ATP2B4: variants seen among roughly 807,000 people sequenced by gnomAD.
The protein encoded by ATP2B4 is ATPase plasma membrane Ca2+ transporting 4, also known as plasma membrane calcium-transporting ATPase 4.
In ATP2B4, 39 loss-of-function variants were observed where a neutral mutation model predicts 110.3. The ratio of observed to expected loss-of-function variants is 0.35; its 90% CI spans 0.27 to 0.46. The LOEUF is 0.46. ATP2B4 is among the 20% of genes least tolerant of loss of function. The probability of loss-of-function intolerance (pLI) is 1.00; values close to 1 mark genes in which losing one functional copy is unlikely to be tolerated. For synonymous variants in ATP2B4, 538 were observed against 571.7 expected (o/e 0.94, Z 0.84); for missense variants, 1,135 against 1,530.9 (o/e 0.74, Z 4.32).
chr1:203,683,442 G>A, intron 2 of ATP2B4, 44 bp downstream of exon 2: 1 of 1,523,570 alleles, frequency 6.6e-7, no homozygotes, highest in Non-Finnish European at 8.9e-7. Context: ...AAGGTGGCTA[G>A]TGTTTCAAAA....
Position 203,728,082 on chromosome 1 carries a change from G to A in ATP2B4, c.3309+511G>A, listed in dbSNP as rs1047535331. 1.3e-5 allele frequency: 5 copies of A among 395,190 alleles called. No homozygotes were observed. In the Admixed American group the frequency reaches 1.7e-4, roughly 14 times the overall value. 24.5% of individuals were successfully genotyped at this position (395,190 alleles called of 1,614,324 possible). A position where few individuals can be genotyped will look rare whatever the true frequency, so the allele number is the denominator to read the frequency against. ...CCTTGTTATATCTCCCCCATTCAAA[G>A]TGTAAGGCCATGGTGGGGAATCTGA... On this transcript the variant is annotated intron_variant, in intron 20 of 20. Transcript: ENST00000357681.
intron 1 of ATP2B4, among the ~76,000 whole-genome samples, chr1:203,661,708 C>T (rs936626789): frequency 6.6e-6 from 1 of 152,220 alleles, no homozygotes; most frequent in Non-Finnish European, 1.5e-5. Flanking sequence ...TTCTCCACCC[C>T]TTTGCCTTGT....
intron 1 of ATP2B4, among the ~76,000 whole-genome samples, chr1:203,665,261 A>G (rs1184349183): frequency 2.6e-5 from 4 of 152,202 alleles, no homozygotes; most frequent in African/African-American, 9.6e-5. Flanking sequence ...ACCTGACTGT[A>G]TGTAGCAGCT....
chr1:203,713,278 C>T, intron 14 of ATP2B4, 26 bp downstream of exon 14: 1 of 1,613,550 alleles, frequency 6.2e-7, no homozygotes, highest in South Asian at 1.1e-5. Context: ...AAATAGGTGC[C>T]TGCAACAGCT....
Position 203,686,693 on chromosome 1 carries a change from T to TTTTTTTTTC in ATP2B4, c.193+3303_193+3304insCTTTTTTTT, listed in dbSNP as rs1340136680. ...TTTTCTTTCTTTTCTTTCTTTTTTT[T>TTTTTTTTTC]TTTTTTTTTTTTTTTTTTAGAAGGA... is the stretch of plus-strand genomic sequence containing the variant. On this transcript the variant is annotated intron_variant, in intron 2 of 20. Coordinates refer to ENST00000357681, the MANE Select transcript of ATP2B4 (RefSeq NM_001684.5). 2.3e-5 allele frequency among the ~76,000 whole-genome samples: 3 copies of TTTTTTTTTC among 130,346 alleles called. No individual in the cohort carries two copies. The East Asian group carries it at 7.9e-4, about 34-fold the overall frequency. 85.5% of individuals were successfully genotyped at this position (130,346 alleles called of 152,430 possible).
chr1:203,649,980 A>C (rs1663927594), intron 1 of ATP2B4, among the ~76,000 whole-genome samples: 1 of 152,190 alleles, frequency 6.6e-6, no homozygotes, highest in South Asian at 2.1e-4. Context: ...AGGACTAATG[A>C]GAACACTCAC....
chr1:203,665,971 C>G (rs184367007), intron 1 of ATP2B4, among the ~76,000 whole-genome samples: 111 of 152,250 alleles, frequency 7.3e-4, no homozygotes, highest in African/African-American at 2.5e-3. Flanking sequence ...AGGACATGCT[C>G]CCTGAAAAGA....
At chr1:203,711,828 C>T (rs959998592) in intron 12 of ATP2B4, 132 bp from the exon 13 acceptor site, 43 of 1,001,204 alleles carry the variant, frequency 4.3e-5, no homozygotes, top group Non-Finnish European at 5.9e-5. Flanking sequence ...ATGACCAGAC[C>T]TAGCCCATGC....
At chr1:203,631,338 A>G (rs887123555) in intron 1 of ATP2B4, among the ~76,000 whole-genome samples, 1 of 152,210 alleles carries the variant, frequency 6.6e-6, no homozygotes, top group African/African-American at 2.4e-5. Context: ...CCCAAGTTTC[A>G]TGCACAAATC....
rs1664305415 is a variant in ATP2B4 at position 203,660,511 on chromosome 1, TG to T, written c.-464-22225del. Among the ~76,000 whole-genome samples the T allele has an allele frequency of 3.3e-5, 4 of 123,038 alleles. No individual in the cohort carries two copies. In the East Asian group the frequency reaches 6.9e-4, roughly 21 times the overall value. The allele number at this position is 123,038 out of a possible 152,430, so 80.7% of individuals were successfully genotyped here. ...GTAAGAAGAGAACGGAGGTGGGGGG[TG>T]GGGGGAGGCCTGGGCACAGTGGCTC... On this transcript the variant is annotated intron_variant, in intron 1 of 20. Coordinates refer to ENST00000357681, the MANE Select transcript of ATP2B4 (RefSeq NM_001684.5).
At chr1:203,650,659 G>C (rs947748678) in intron 1 of ATP2B4, among the ~76,000 whole-genome samples, 1 of 152,284 alleles carries the variant, frequency 6.6e-6, no homozygotes, top group Admixed American at 6.5e-5. Context: ...AGGGCGGGCG[G>C]GGAGCGGGGC....
chr1:203,665,736 G>T (rs1004701490), intron 1 of ATP2B4, among the ~76,000 whole-genome samples: 2 of 147,044 alleles, frequency 1.4e-5, no homozygotes, highest in African/African-American at 2.5e-5. Context: ...GGAGGCGGAG[G>T]TTGCAGTGAG....
intron 1 of ATP2B4, chr1:203,657,043 A>G: frequency 1.3e-6 from 1 of 791,880 alleles, no homozygotes; most frequent in Non-Finnish European, 2.2e-6. Flanking sequence ...TCTCCAAATA[A>G]CTTTGCCTCC....
intron 2 of ATP2B4, among the ~76,000 whole-genome samples, chr1:203,689,013 T>C (rs978863829): frequency 2.0e-5 from 3 of 152,110 alleles, no homozygotes; most frequent in Admixed American, 6.6e-5. Context: ...CCCATTCCAG[T>C]TTTTTCCCCC....
chr1:203,719,060 T>TA (rs943619751), intron 15 of ATP2B4, among the ~76,000 whole-genome samples: 1 of 150,928 alleles, frequency 6.6e-6, no homozygotes, highest in East Asian at 2.0e-4. Flanking sequence ...CTCCCATCTC[T>TA]AAAAAAAATA....
chr1:203,701,662 T>TTGCC (rs1410608288), intron 6 of ATP2B4, among the ~76,000 whole-genome samples: 1 of 152,356 alleles, frequency 6.6e-6, no homozygotes, highest in East Asian at 1.9e-4. Context: ...AGGGGGAAGC[T>TTGCC]TGCCTGGTGC....
At chr1:203,679,882 AAAAC>A (rs1248679633) in intron 1 of ATP2B4, among the ~76,000 whole-genome samples, 9 of 151,810 alleles carry the variant, frequency 5.9e-5, no homozygotes, top group African/African-American at 2.2e-4. Flanking sequence ...CTCCATCTCA[AAAAC>A]AAACAAACAA....
At chr1:203,632,507 C>A (rs35927759) in intron 1 of ATP2B4, among the ~76,000 whole-genome samples, 1 of 151,736 alleles carries the variant, frequency 6.6e-6, no homozygotes, top group Non-Finnish European at 1.5e-5. Context: ...CCACGCCCGG[C>A]TAATTTTTTG....
chr1:203,733,139 C>A (rs1666780384), intron 20 of ATP2B4: 11 of 1,355,202 alleles, frequency 8.1e-6, no homozygotes, highest in African/African-American at 2.9e-5. Context: ...CTTCCCCAAC[C>A]TTCCATGACC....
Sources: allele counts gnomAD v4.1 joint callset (sites outside exome capture counted in the v4.1 genomes callset), GRCh38; gene constraint gnomAD v4.1.1; transcripts MANE v1.5; gene names NCBI Gene and HGNC (gene_info 2026-07-23, HGNC 2026-07-21).